The following ULK4 variants were observed in gnomAD, a reference collection of about 807,000 sequenced individuals.
ULK4 encodes the protein unc-51 like kinase 4.
In ULK4, 133 loss-of-function variants were observed where a neutral mutation model predicts 160.6. That is an observed-to-expected ratio of 0.83 (90% CI 0.72 to 0.96). ULK4 has a LOEUF of 0.96. Among genes scored for constraint, ULK4 ranks in the 40% least tolerant of loss-of-function variants. ULK4 has a pLI of 0.00. For synonymous variants in ULK4, 534 were observed against 539.8 expected (o/e 0.99, Z 0.15); for missense variants, 1,580 against 1,499.5 (o/e 1.05, Z -0.89).
chr3:41,808,167 C>CA (rs939593214), intron 19 of ULK4, among the ~76,000 whole-genome samples: 2 of 152,118 alleles, frequency 1.3e-5, no homozygotes, highest in Non-Finnish European at 2.9e-5. Context: ...GTTCTTACTA[C>CA]AAAAAATATT....
At chr3:41,344,180 C>T (rs775873262) in intron 35 of ULK4, among the ~76,000 whole-genome samples, 12 of 152,160 alleles carry the variant, frequency 7.9e-5, no homozygotes, top group Admixed American at 1.3e-4. Context: ...CACACACCTA[C>T]AACCATTTGA....
chr3:41,653,018 T>A (rs2034800938), intron 30 of ULK4, among the ~76,000 whole-genome samples: 1 of 152,202 alleles, frequency 6.6e-6, no homozygotes, highest in Admixed American at 6.5e-5. Flanking sequence ...ACTCTGTATT[T>A]GTGATGCTTT....
At chr3:41,873,849 C>T (rs570681623) in intron 17 of ULK4, among the ~76,000 whole-genome samples, 131 of 151,110 alleles carry the variant, frequency 8.7e-4, no homozygotes, top group Non-Finnish European at 1.6e-3. Context: ...CCACCGCACC[C>T]GCCCTCTAGG....
At chr3:41,529,025 ACTTTAT>A (rs138463450) in intron 32 of ULK4, among the ~76,000 whole-genome samples, 3,167 of 152,306 alleles carry the variant, frequency 0.021, 109 homozygotes, top group African/African-American at 0.071. Flanking sequence ...CTTTAACTCA[ACTTTAT>A]CTTTAAGTAT....
chr3:41,621,056 A>T (rs1281150518), intron 30 of ULK4, among the ~76,000 whole-genome samples: 1 of 152,218 alleles, frequency 6.6e-6, no homozygotes, highest in Non-Finnish European at 1.5e-5. Flanking sequence ...ACAACTTACA[A>T]GGGATGTGAA....
intron 2 of ULK4, among the ~76,000 whole-genome samples, chr3:41,953,145 T>G (rs1254925132): frequency 6.6e-6 from 1 of 151,934 alleles, no homozygotes; most frequent in African/African-American, 2.4e-5. Flanking sequence ...GCAATATGAA[T>G]GTACTTATTA....
intron 20 of ULK4, among the ~76,000 whole-genome samples, chr3:41,796,213 C>T (rs2040295682): frequency 1.3e-5 from 2 of 152,146 alleles, no homozygotes. Flanking sequence ...AACAAATGAA[C>T]TGAATGAACA....
intron 31 of ULK4, among the ~76,000 whole-genome samples, chr3:41,574,844 C>T (rs2088132962): frequency 6.6e-6 from 1 of 152,160 alleles, no homozygotes; most frequent in South Asian, 2.1e-4. Flanking sequence ...CTGCGCCAGG[C>T]CCCAGACTCC....
rs185373156 is a variant in ULK4 at position 41,274,496 on chromosome 3, T to A, written c.3679-24922A>T. On this transcript the variant is annotated intron_variant, in intron 35 of 36. Transcript: ENST00000301831. ...CACATCAGTTCAGTCACAGTGGTAA[T>A]GTTTTCTCTCAAAAAACACAAATTA... Among the ~76,000 whole-genome samples, 140 of 152,326 alleles carry A rather than the reference T, an allele frequency of 9.2e-4. 1 individual carries two copies. Among genetic ancestry groups the A allele is most frequent in the African/African-American group, 3.3e-3 (138 of 41,580 alleles).
chr3:41,359,451 G>A (rs1004835561), intron 35 of ULK4, among the ~76,000 whole-genome samples: 2 of 152,226 alleles, frequency 1.3e-5, no homozygotes, highest in Admixed American at 1.3e-4. Flanking sequence ...CAGAGATTGA[G>A]CTGAACGGTC....
chr3:41,666,607 C>G (rs1333938634), intron 29 of ULK4, among the ~76,000 whole-genome samples: 1 of 152,164 alleles, frequency 6.6e-6, no homozygotes, highest in Admixed American at 6.5e-5. Flanking sequence ...TTCGTGTACC[C>G]TGGATAACCA....
At chr3:41,640,463 C>A (rs1261126035) in intron 30 of ULK4, among the ~76,000 whole-genome samples, 1 of 152,184 alleles carries the variant, frequency 6.6e-6, no homozygotes, top group Non-Finnish European at 1.5e-5. Context: ...GTAGAATGGT[C>A]TCTCGTTTTG....
chr3:41,556,383 AT>A (rs1344565093), intron 32 of ULK4, among the ~76,000 whole-genome samples: 2 of 152,056 alleles, frequency 1.3e-5, no homozygotes, highest in Admixed American at 6.6e-5. Flanking sequence ...TTAAAGTTTC[AT>A]TATTACTACA....
At chr3:41,635,611 C>G (rs1200156677) in intron 30 of ULK4, among the ~76,000 whole-genome samples, 1 of 152,010 alleles carries the variant, frequency 6.6e-6, no homozygotes, top group African/African-American at 2.4e-5. Flanking sequence ...TAATAGCTAC[C>G]ATTTAGTGAG....
At chr3:41,883,449 A>G (rs1371252852) in intron 17 of ULK4, among the ~76,000 whole-genome samples, 1 of 152,240 alleles carries the variant, frequency 6.6e-6, no homozygotes, top group Admixed American at 6.5e-5. Flanking sequence ...TAAGTGTAAC[A>G]TACGTTAACG....
chr3:41,379,868 T>C (rs1298227878), intron 35 of ULK4, among the ~76,000 whole-genome samples: 2 of 152,104 alleles, frequency 1.3e-5, no homozygotes, highest in Non-Finnish European at 1.5e-5. Context: ...AAATGGGTAG[T>C]GAGAGTGGCA....
Position 41,898,439 on chromosome 3 carries a change from T to A in ULK4, c.1341A>T (p.Thr447=). Residue 447 remains threonine, a synonymous_variant, in exon 14 of 37, where the codon ACA becomes ACT. Coordinates refer to ENST00000301831, the MANE Select transcript of ULK4 (RefSeq NM_017886.4). ...AGTCCTTTATGATCCTACCTGAATA[T>A]GTTGGTAGATGCAATATTTTTGCAT... The part of the protein sequence containing the change: ...KFDAKILHLP[T]YSVDKLLFLK... 1 of 1,591,782 alleles carries A rather than the reference T, an allele frequency of 6.3e-7. No homozygotes were observed. Among genetic ancestry groups the A allele is most frequent in the Non-Finnish European group, 8.6e-7 (1 of 1,166,930 alleles).
At chr3:41,775,181 G>C (rs111877184) in intron 21 of ULK4, among the ~76,000 whole-genome samples, 44,258 of 148,674 alleles carry the variant, frequency 0.3, 10,240 homozygotes, top group African/African-American at 0.62. Flanking sequence ...TGTAACAAAC[G>C]TGCACGTTGT....
chr3:41,578,681 AG>A (rs1433436773), intron 31 of ULK4, among the ~76,000 whole-genome samples: 1 of 152,232 alleles, frequency 6.6e-6, no homozygotes, highest in East Asian at 1.9e-4. Context: ...AAAGAATCAC[AG>A]GAAGTGTCAA....
Sources: allele counts gnomAD v4.1 joint callset (sites outside exome capture counted in the v4.1 genomes callset), GRCh38; gene constraint gnomAD v4.1.1; transcripts MANE v1.5; gene names NCBI Gene and HGNC (gene_info 2026-07-23, HGNC 2026-07-21).